CEP63: variants seen among roughly 807,000 people sequenced by gnomAD.
CEP63 encodes the protein centrosomal protein 63.
Under a neutral mutation model 89.1 loss-of-function variants are expected in CEP63, and 84 were observed. The ratio of observed to expected loss-of-function variants is 0.94; its 90% confidence interval spans 0.79 to 1.13. CEP63 has a LOEUF of 1.13. Among genes scored for constraint, CEP63 ranks in the 50% most tolerant of loss-of-function variants. The probability of loss-of-function intolerance (pLI) is 0.00; values close to 1 mark genes in which losing one functional copy is unlikely to be tolerated. For missense variants in CEP63, 838 were observed against 813.3 expected (o/e 1.03, Z -0.37); for synonymous variants, 267 against 272.5 (o/e 0.98, Z 0.20).
the CEP63 span, among the ~76,000 whole-genome samples, chr3:134,692,708 T>C: frequency 4.6e-3 from 698 of 152,316 alleles, 4 homozygotes; most frequent in African/African-American, 0.016. Context: ...TCAAGATATC[T>C]AGTCTCAAAA....
At chr3:134,628,006 C>A in the CEP63 span, 1 of 608,344 alleles carries the variant, frequency 1.6e-6, no homozygotes, top group Non-Finnish European at 2.9e-6. Flanking sequence ...CCTGGTGTGG[C>A]AGAAGGAAGA....
chr3:134,607,470 TG>T, the CEP63 span: 1 of 985,734 alleles, frequency 1.0e-6, no homozygotes, highest in Non-Finnish European at 1.2e-6. Context: ...CCTCCTGTCC[TG>T]GGCGGATGGA....
chr3:134,700,992 A>G, the CEP63 span, among the ~76,000 whole-genome samples: 1 of 148,914 alleles, frequency 6.7e-6, no homozygotes, highest in Admixed American at 6.8e-5. Context: ...ATCTTCCTCC[A>G]TTGTTTTTCT....
the CEP63 span, among the ~76,000 whole-genome samples, chr3:134,667,234 A>G: frequency 6.6e-6 from 1 of 152,186 alleles, no homozygotes; most frequent in Non-Finnish European, 1.5e-5. Context: ...AAAGCACTGG[A>G]AGTGAGTGAG....
chr3:134,699,462 A>G, the CEP63 span, among the ~76,000 whole-genome samples: 7 of 152,246 alleles, frequency 4.6e-5, no homozygotes, highest in Non-Finnish European at 7.3e-5. Context: ...AGACAGAAGC[A>G]GGAAGCATTT....
chr3:134,651,060 G>C, the CEP63 span: 61 of 1,545,208 alleles, frequency 3.9e-5, no homozygotes, highest in African/African-American at 7.6e-4. Flanking sequence ...GGGAGAGGGC[G>C]AGGGCGCGGA....
chr3:134,650,848 C>G, the CEP63 span: 1 of 1,606,570 alleles, frequency 6.2e-7, no homozygotes, highest in Non-Finnish European at 8.5e-7. Flanking sequence ...CAGCAGCGAG[C>G]TCGGGTTCGC....
At chr3:134,734,863 C>T in the CEP63 span, among the ~76,000 whole-genome samples, 4 of 152,100 alleles carry the variant, frequency 2.6e-5, no homozygotes, top group African/African-American at 9.7e-5. Flanking sequence ...TACATTCATT[C>T]GTCATTGTCC....
the CEP63 span, among the ~76,000 whole-genome samples, chr3:134,699,698 C>T: frequency 9.2e-5 from 14 of 152,308 alleles, no homozygotes; most frequent in South Asian, 1.5e-3. Flanking sequence ...ATCACTCTCT[C>T]GGCTATCCAA....
chr3:134,594,911 C>T, the CEP63 span, among the ~76,000 whole-genome samples: 1 of 152,204 alleles, frequency 6.6e-6, no homozygotes, highest in Non-Finnish European at 1.5e-5. Flanking sequence ...GTCCTCTGAG[C>T]TGGGTGGCAT....
chr3:134,691,597 G>T, the CEP63 span, among the ~76,000 whole-genome samples: 95,458 of 151,554 alleles, frequency 0.63, 31,036 homozygotes, highest in East Asian at 0.91. Context: ...CAGCCTGGGT[G>T]ACAGAGAGAG....
chr3:134,625,563 G>A, the CEP63 span, among the ~76,000 whole-genome samples: 11 of 152,340 alleles, frequency 7.2e-5, no homozygotes, highest in African/African-American at 2.6e-4. Flanking sequence ...GTGCTCACAA[G>A]CTCAAGGAGG....
At chr3:134,608,833 A>G in the CEP63 span, 2 of 1,608,216 alleles carry the variant, frequency 1.2e-6, no homozygotes, top group South Asian at 2.2e-5. Flanking sequence ...AGTAGAACTC[A>G]TTGTAGCTGG....
chr3:134,672,874 A>G, the CEP63 span, among the ~76,000 whole-genome samples: 2 of 152,258 alleles, frequency 1.3e-5, no homozygotes, highest in Non-Finnish European at 2.9e-5. Context: ...ACAGCACAGC[A>G]GAGTGAGTGT....
chr3:134,685,463 C>T, the CEP63 span, among the ~76,000 whole-genome samples: 4 of 152,186 alleles, frequency 2.6e-5, no homozygotes, highest in African/African-American at 9.7e-5. Flanking sequence ...AGAGTCTGGG[C>T]ATAAACATGT....
At chr3:134,753,768 C>T in the CEP63 span, among the ~76,000 whole-genome samples, 464 of 152,272 alleles carry the variant, frequency 3.0e-3, 3 homozygotes, top group African/African-American at 0.011. Flanking sequence ...AAGAAAAGTT[C>T]AGAGAGGTGG....
chr3:134,551,395 AAGG>A (rs1275331648), intron 11 of CEP63, among the ~76,000 whole-genome samples: 1 of 152,204 alleles, frequency 6.6e-6, no homozygotes, highest in African/African-American at 2.4e-5. Flanking sequence ...AGCTTAAAAA[AAGG>A]AGCAGTGAGG....
chr3:134,538,827 TTCTC>T (rs998586716), intron 6 of CEP63, among the ~76,000 whole-genome samples: 2 of 151,982 alleles, frequency 1.3e-5, no homozygotes, highest in Non-Finnish European at 2.9e-5. Context: ...TGATTATAGA[TTCTC>T]TCTTCAAATT....
downstream of CEP63, among the ~76,000 whole-genome samples, chr3:134,578,117 T>G (rs1263355939): frequency 2.6e-5 from 4 of 152,324 alleles, no homozygotes; most frequent in East Asian, 7.7e-4. Context: ...ATGATTTAAA[T>G]TCCTTTGAGC....
Sources: allele counts gnomAD v4.1 joint callset (sites outside exome capture counted in the v4.1 genomes callset), GRCh38; gene constraint gnomAD v4.1.1; transcripts MANE v1.5; gene names NCBI Gene and HGNC (gene_info 2026-07-23, HGNC 2026-07-21).